XYLT1: variants seen among roughly 807,000 people sequenced by gnomAD.
The protein encoded by XYLT1 is beta-D-xylosyltransferase 1.
A neutral mutation model predicts 91.3 loss-of-function variants in XYLT1; 36 were observed. That is an observed-to-expected ratio of 0.39 (90% CI 0.30 to 0.52). The LOEUF (loss-of-function observed/expected upper bound fraction) is 0.52. XYLT1 is among the 20% of genes least tolerant of loss of function. The probability of loss-of-function intolerance (pLI) is 0.68; values close to 1 mark genes in which losing one functional copy is unlikely to be tolerated. For synonymous variants in XYLT1, 588 were observed against 532.0 expected (o/e 1.11, Z -1.45); for missense variants, 1,242 against 1,284.5 (o/e 0.97, Z 0.51).
intron 1 of XYLT1, among the ~76,000 whole-genome samples, chr16:17,402,914 AT>A (rs1471654509): frequency 2.6e-5 from 4 of 151,804 alleles, no homozygotes; most frequent in African/African-American, 4.8e-5. Flanking sequence ...TATTTTAAAA[AT>A]TTTTTGTAGA....
At chr16:17,208,538 T>G (rs531936994) in intron 3 of XYLT1, among the ~76,000 whole-genome samples, 2 of 152,198 alleles carry the variant, frequency 1.3e-5, no homozygotes, top group Non-Finnish European at 2.9e-5. Context: ...TTTATACACA[T>G]AGCCTGAAAG....
chr16:17,353,696 T>C (rs2035251620), intron 2 of XYLT1, among the ~76,000 whole-genome samples: 1 of 137,894 alleles, frequency 7.3e-6, no homozygotes, highest in African/African-American at 3.0e-5. Context: ...TGTGGATAGT[T>C]GTGCTAGGCA....
intron 2 of XYLT1, among the ~76,000 whole-genome samples, chr16:17,309,506 G>T (rs1023240688): frequency 6.6e-6 from 1 of 152,152 alleles, no homozygotes; most frequent in South Asian, 2.1e-4. Context: ...CATAATGAAC[G>T]GGTGGGAGGG....
chr16:17,368,156 T>TCC (rs2035479149), intron 1 of XYLT1, among the ~76,000 whole-genome samples: 1 of 152,060 alleles, frequency 6.6e-6, no homozygotes, highest in Non-Finnish European at 1.5e-5. Flanking sequence ...GAAAAAACGA[T>TCC]CCCAGGAGGT....
intron 5 of XYLT1, among the ~76,000 whole-genome samples, chr16:17,196,603 G>A (rs2032430845): frequency 6.6e-6 from 1 of 152,242 alleles, no homozygotes; most frequent in Non-Finnish European, 1.5e-5. Context: ...CTTAATAAAA[G>A]TTTTATTTTT....
intron 2 of XYLT1, among the ~76,000 whole-genome samples, chr16:17,341,734 TTTAA>T (rs1052889270): frequency 1.8e-4 from 28 of 152,336 alleles, no homozygotes; most frequent in African/African-American, 5.8e-4. Context: ...TTTTGAATCA[TTTAA>T]TTGTTTTCAT....
chr16:17,382,662 C>T (rs756907674), intron 1 of XYLT1, among the ~76,000 whole-genome samples: 1 of 151,812 alleles, frequency 6.6e-6, no homozygotes, highest in Non-Finnish European at 1.5e-5. Flanking sequence ...GTGTAACTGC[C>T]TCTGAATGCC....
At chr16:17,205,749 C>T (rs1286746410) in intron 3 of XYLT1, among the ~76,000 whole-genome samples, 8 of 152,114 alleles carry the variant, frequency 5.3e-5, no homozygotes, top group Non-Finnish European at 1.0e-4. Context: ...CATCTACAAC[C>T]GGAATTTCCC....
At chr16:17,406,229 C>T (rs1262794442) in intron 1 of XYLT1, among the ~76,000 whole-genome samples, 1 of 152,154 alleles carries the variant, frequency 6.6e-6, no homozygotes, top group Non-Finnish European at 1.5e-5. Flanking sequence ...CATGCTCATT[C>T]AACAAATATT....
In XYLT1 at chr16:17,105,349, T is replaced by TC. The variant is rs1966760048; in HGVS notation, c.*3345dup. On this transcript the variant is annotated 3_prime_UTR_variant, in exon 12 of 12. Transcript: ENST00000261381. ...GTGGTTCTGCTCATCCTCTCTAAAC[T>TC]CCATTTGCGTTTTAGAAGTTAAACC... is the stretch of plus-strand genomic sequence containing the variant. The TC allele has an allele frequency of 1.3e-5, 2 of 152,172 alleles. No individual in the cohort carries two copies. The highest frequency in any genetic ancestry group is 2.9e-5 in the Non-Finnish European group (2 of 68,048). The allele number at this position is 152,172 out of a possible 1,614,324, so 9.4% of individuals were successfully genotyped here.
chr16:17,167,086 A>G (rs2141551951), intron 5 of XYLT1, among the ~76,000 whole-genome samples: 1 of 152,350 alleles, frequency 6.6e-6, no homozygotes, highest in East Asian at 1.9e-4. Context: ...AAGAGCCTTC[A>G]CAGCTTGTGC....
intron 1 of XYLT1, among the ~76,000 whole-genome samples, chr16:17,398,362 G>A (rs1214664919): frequency 6.6e-6 from 1 of 152,170 alleles, no homozygotes; most frequent in Non-Finnish European, 1.5e-5. Flanking sequence ...AACAACGTAA[G>A]ACCGACTGTG....
chr16:17,463,849 G>A (rs902327645), intron 1 of XYLT1, among the ~76,000 whole-genome samples: 1 of 152,228 alleles, frequency 6.6e-6, no homozygotes, highest in Non-Finnish European at 1.5e-5. Flanking sequence ...GTGCCCATCG[G>A]TGGATGAATG....
intron 5 of XYLT1, among the ~76,000 whole-genome samples, chr16:17,195,099 G>A (rs2032396429): frequency 6.6e-6 from 1 of 152,214 alleles, no homozygotes; most frequent in Non-Finnish European, 1.5e-5. Flanking sequence ...GACAATTTTA[G>A]CTCCCAGAGG....
intron 2 of XYLT1, among the ~76,000 whole-genome samples, chr16:17,273,469 A>C (rs2033925315): frequency 6.6e-6 from 1 of 152,200 alleles, no homozygotes; most frequent in African/African-American, 2.4e-5. Flanking sequence ...AGATGTGCAG[A>C]ATCTCAGGCC....
At chr16:17,334,668 A>T (rs1272274025) in intron 2 of XYLT1, among the ~76,000 whole-genome samples, 1 of 152,146 alleles carries the variant, frequency 6.6e-6, no homozygotes, top group Non-Finnish European at 1.5e-5. Flanking sequence ...GTACACATTT[A>T]AAAAAAGATC....
chr16:17,465,427 C>G (rs948061165), intron 1 of XYLT1, among the ~76,000 whole-genome samples: 5 of 151,934 alleles, frequency 3.3e-5, no homozygotes, highest in African/African-American at 1.2e-4. Flanking sequence ...TTTACAAATC[C>G]CTCCATTATT....
chr16:17,160,021 A>G (rs1386831329), intron 5 of XYLT1, among the ~76,000 whole-genome samples: 2 of 152,216 alleles, frequency 1.3e-5, no homozygotes, highest in Admixed American at 6.5e-5. Context: ...GCAGAAAGAT[A>G]AAAAAACATC....
At chr16:17,249,300 G>T (rs1317446259) in intron 3 of XYLT1, among the ~76,000 whole-genome samples, 1 of 152,138 alleles carries the variant, frequency 6.6e-6, no homozygotes, top group Non-Finnish European at 1.5e-5. Context: ...TGCTTTGCTT[G>T]GTGCACACAG....
Sources: allele counts gnomAD v4.1 joint callset (sites outside exome capture counted in the v4.1 genomes callset), GRCh38; gene constraint gnomAD v4.1.1; transcripts MANE v1.5; gene names NCBI Gene and HGNC (gene_info 2026-07-23, HGNC 2026-07-21).